The following TOGARAM2 variants were observed in gnomAD, a reference collection of about 807,000 sequenced individuals.
TOGARAM2 encodes TOG array regulator of axonemal microtubules 2.
TOGARAM2 carries 85 observed loss-of-function variants against 93.3 expected under a neutral mutation model. The observed-to-expected ratio is 0.91, with a 90% CI of 0.76 to 1.09. TOGARAM2 has a LOEUF of 1.09. Ranked by LOEUF, TOGARAM2 falls within the 50% of genes least tolerant of loss-of-function variation. The pLI, the probability that TOGARAM2 is intolerant of heterozygous loss-of-function variation, is 0.00. For synonymous variants in TOGARAM2, 593 were observed against 552.8 expected (o/e 1.07, Z -1.02); for missense variants, 1,277 against 1,334.5 (o/e 0.96, Z 0.67).
intron 6 of TOGARAM2, among the ~76,000 whole-genome samples, chr2:29,004,126 G>C (rs1028082467): frequency 6.6e-6 from 1 of 152,152 alleles, no homozygotes; most frequent in Admixed American, 6.5e-5. Context: ...GGGATTACAG[G>C]CACCCACCAC....
chr2:29,026,770 C>T (rs1572742741), intron 13 of TOGARAM2, 83 bp from the exon 14 acceptor site: 13 of 1,379,802 alleles, frequency 9.4e-6, no homozygotes, highest in Middle Eastern at 1.9e-4. Context: ...CATGGGTCTG[C>T]AATGGTAGAT....
intron 10 of TOGARAM2, among the ~76,000 whole-genome samples, chr2:29,020,047 GT>G (rs1350556424): frequency 6.6e-6 from 1 of 152,204 alleles, no homozygotes; most frequent in African/African-American, 2.4e-5. Flanking sequence ...GAGGGAAGGG[GT>G]TTTTATCCCT....
chr2:28,969,601 C>A (rs139384427), intron 1 of TOGARAM2, among the ~76,000 whole-genome samples: 1 of 152,120 alleles, frequency 6.6e-6, no homozygotes, highest in South Asian at 2.1e-4. Flanking sequence ...CCAGACAGAC[C>A]TCTGTTGGAA....
chr2:28,971,431 C>T (rs1245636574), intron 1 of TOGARAM2, among the ~76,000 whole-genome samples: 2 of 152,094 alleles, frequency 1.3e-5, no homozygotes, highest in Non-Finnish European at 2.9e-5. Context: ...AGGCTGTTCT[C>T]GAACTCCCCA....
intron 14 of TOGARAM2, among the ~76,000 whole-genome samples, chr2:29,030,147 G>A (rs1022042354): frequency 1.3e-5 from 2 of 152,094 alleles, no homozygotes; most frequent in Admixed American, 6.5e-5. Context: ...ATGGTAGCAC[G>A]TGCCTGTGGT....
intron 2 of TOGARAM2, among the ~76,000 whole-genome samples, chr2:28,995,217 G>A (rs867661493): frequency 3.3e-5 from 5 of 152,236 alleles, no homozygotes; most frequent in African/African-American, 9.6e-5. Context: ...GAGGGTGAAC[G>A]ACTCTGTTTC....
At chr2:29,008,738 G>T (rs11684845) in intron 6 of TOGARAM2, among the ~76,000 whole-genome samples, 123,256 of 152,216 alleles carry the variant, frequency 0.81, 50,218 homozygotes, top group Middle Eastern at 0.86. Context: ...ATTACAGGTA[G>T]AAGCCACCGC....
intron 1 of TOGARAM2, among the ~76,000 whole-genome samples, chr2:28,966,011 G>A (rs555030390): frequency 1.3e-5 from 2 of 152,220 alleles, no homozygotes; most frequent in South Asian, 2.1e-4. Flanking sequence ...CAGAAACAGA[G>A]GGCTCACTTA....
chr2:29,041,153 T>C (rs2148388907), intron 18 of TOGARAM2, among the ~76,000 whole-genome samples: 1 of 151,648 alleles, frequency 6.6e-6, no homozygotes, highest in Middle Eastern at 3.4e-3. Flanking sequence ...GCCTCCCGAG[T>C]AGCTGGGATT....
intron 10 of TOGARAM2, among the ~76,000 whole-genome samples, chr2:29,019,644 T>C (rs1664809838): frequency 6.6e-6 from 1 of 152,178 alleles, no homozygotes; most frequent in African/African-American, 2.4e-5. Flanking sequence ...GAACTGTTTA[T>C]GTTTGGCAGG....
intron 6 of TOGARAM2, among the ~76,000 whole-genome samples, chr2:29,009,738 C>A (rs72788117): frequency 0.075 from 11,449 of 152,082 alleles, 510 homozygotes; most frequent in African/African-American, 0.12. Context: ...GGGTTGGAGC[C>A]GGGAGGGGCT....
rs1393639583 is a variant in TOGARAM2, at chr2:29,017,307, A to G, written c.1195+3A>G. ...CCAGAGAGCCTTCATGAAGGAAGGT[A>G]CTGGGTGCCTGGTGTGGGATTTGCT... On this transcript the variant is annotated splice_donor_region_variant and intron_variant, in intron 9 of 19. Transcript: ENST00000379558. The G allele has an allele frequency of 2.5e-6, 4 of 1,593,458 alleles. No individual in the cohort carries two copies. In the African/African-American group the frequency reaches 4.1e-5, roughly 16 times the overall value.
upstream of TOGARAM2, among the ~76,000 whole-genome samples, chr2:28,978,148 C>T (rs1349871193): frequency 6.6e-6 from 1 of 152,194 alleles, no homozygotes; most frequent in Non-Finnish European, 1.5e-5. Flanking sequence ...CTCAGGTGAT[C>T]TGCCTGCTTT....
rs1330700106 is a variant in TOGARAM2, at chr2:29,032,925, C to CTGTGTG, written c.2013-5_2013-4insTGTGTG. 1 of 1,611,292 alleles carries CTGTGTG rather than the reference C, an allele frequency of 6.2e-7. No homozygotes were observed. The stretch of plus-strand genomic sequence containing the variant: ...CTGTTTCTTTATCTTGCTCTCTCTC[C>CTGTGTG]TGTGGCAGATTTTATGGCCGGAAGA... On this transcript the variant is annotated splice_polypyrimidine_tract_variant and intron_variant, in intron 14 of 19. Transcript: ENST00000379558.
intron 14 of TOGARAM2, among the ~76,000 whole-genome samples, chr2:29,027,989 T>C (rs1201447337): frequency 1.3e-5 from 2 of 152,062 alleles, no homozygotes; most frequent in African/African-American, 4.8e-5. Flanking sequence ...TTGGATGGTG[T>C]GTGATTGGAA....
intron 1 of TOGARAM2, among the ~76,000 whole-genome samples, chr2:28,984,825 C>G (rs1283081114): frequency 6.6e-6 from 1 of 152,206 alleles, no homozygotes; most frequent in Non-Finnish European, 1.5e-5. Flanking sequence ...AAACCTTAAT[C>G]CTTGGGAGCA....
At position 29,015,831 on chromosome 2, in the gene TOGARAM2, C is replaced by T. The variant is rs543829005; in HGVS notation, c.1044+1270C>T. Reference sequence around the variant, plus strand: ...CCTTCCCAGCCCTTCTTGGCTGCCTCCTCCTCATCTCCCCGGCCTCTGGAT... The same window carrying T: ...CCTTCCCAGCCCTTCTTGGCTGCCTTCTCCTCATCTCCCCGGCCTCTGGAT... On this transcript the variant is annotated intron_variant, in intron 8 of 19. Transcript: ENST00000379558. Among the ~76,000 whole-genome samples, 63 of 152,250 alleles carry T rather than the reference C, an allele frequency of 4.1e-4. 1 individual carries two copies. Among genetic ancestry groups the T allele is most frequent in the African/African-American group, 1.5e-3 (62 of 41,542 alleles).
intron 3 of TOGARAM2, 22 bp downstream of exon 3, chr2:28,998,275 T>C (rs1673098876): frequency 1.9e-6 from 3 of 1,570,086 alleles, no homozygotes; most frequent in Middle Eastern, 1.7e-4. Context: ...AGACCTCACC[T>C]GGTCAGGGCC....
chr2:28,972,882 C>T (rs1671967900), intron 1 of TOGARAM2, among the ~76,000 whole-genome samples: 2 of 152,178 alleles, frequency 1.3e-5, no homozygotes, highest in African/African-American at 4.8e-5. Context: ...GCTTTTTGAA[C>T]ACCTCTAAGA....
Sources: allele counts gnomAD v4.1 joint callset (sites outside exome capture counted in the v4.1 genomes callset), GRCh38; gene constraint gnomAD v4.1.1; transcripts MANE v1.5; gene names NCBI Gene and HGNC (gene_info 2026-07-23, HGNC 2026-07-21).